GSTCD: variants seen among roughly 807,000 people sequenced by gnomAD.
The protein encoded by GSTCD is glutathione S-transferase C-terminal domain-containing protein.
A neutral mutation model predicts 68.3 loss-of-function variants in GSTCD; 44 were observed. The ratio of observed to expected loss-of-function variants is 0.64; its 90% CI spans 0.51 to 0.83. The LOEUF is 0.83. GSTCD is among the 40% of genes least tolerant of loss of function. The probability of loss-of-function intolerance (pLI) is 0.00; values close to 1 mark genes in which losing one functional copy is unlikely to be tolerated. For missense variants in GSTCD, 739 were observed against 735.9 expected, an observed-to-expected ratio of 1.00 and a Z score of -0.05; for synonymous variants, 273 against 255.2, an observed-to-expected ratio of 1.07 and a Z score of -0.67.
At chr4:105,713,424 CATA>C (rs1381899631) in intron 1 of GSTCD, among the ~76,000 whole-genome samples, 5 of 152,186 alleles carry the variant, frequency 3.3e-5, no homozygotes, top group African/African-American at 1.2e-4. Context: ...CTTAGAATAA[CATA>C]ATATCTGACA....
At chr4:105,800,993 T>A (rs1323522149) in intron 5 of GSTCD, among the ~76,000 whole-genome samples, 7 of 152,126 alleles carry the variant, frequency 4.6e-5, no homozygotes, top group Admixed American at 4.6e-4. Context: ...ATAAGGCACA[T>A]CACAGCCTTC....
At chr4:105,718,101 C>A in intron 2 of GSTCD, 62 bp downstream of exon 2, 1 of 1,286,164 alleles carries the variant, frequency 7.8e-7, no homozygotes, top group Non-Finnish European at 1.1e-6. Context: ...ATTACCTGAC[C>A]ATTTAATATT....
intron 5 of GSTCD, among the ~76,000 whole-genome samples, chr4:105,794,847 C>T (rs915366025): frequency 0.035 from 3,131 of 90,160 alleles, 49 homozygotes; most frequent in Middle Eastern, 0.089. Flanking sequence ...ATTTATCTAT[C>T]TATCTATCTA....
chr4:105,773,609 G>A (rs548408223), intron 5 of GSTCD, among the ~76,000 whole-genome samples: 5 of 152,080 alleles, frequency 3.3e-5, no homozygotes, highest in Non-Finnish European at 5.9e-5. Context: ...CCTTAATTTC[G>A]TTATTTACCC....
At chr4:105,723,033 T>C (rs1732919802) in intron 3 of GSTCD, among the ~76,000 whole-genome samples, 1 of 151,964 alleles carries the variant, frequency 6.6e-6, no homozygotes, top group South Asian at 2.1e-4. Context: ...CCTCAATTTC[T>C]TGTAAACATG....
At chr4:105,797,045 C>CGT (rs527275501) in intron 5 of GSTCD, among the ~76,000 whole-genome samples, 1,594 of 140,410 alleles carry the variant, frequency 0.011, 48 homozygotes, top group African/African-American at 0.038. Flanking sequence ...GACAGAGATA[C>CGT]ATGTGTGTGT....
intron 5 of GSTCD, among the ~76,000 whole-genome samples, chr4:105,760,107 A>G (rs530206125): frequency 3.3e-4 from 50 of 151,158 alleles, no homozygotes; most frequent in African/African-American, 1.2e-3. Flanking sequence ...TATGCAGCTT[A>G]GTAATTTGGT....
chr4:105,821,470 C>A (rs1279282445), intron 5 of GSTCD, among the ~76,000 whole-genome samples: 2 of 151,774 alleles, frequency 1.3e-5, no homozygotes, highest in Non-Finnish European at 3.0e-5. Flanking sequence ...GAAGATAGTT[C>A]TTTTAAAAGC....
intron 5 of GSTCD, among the ~76,000 whole-genome samples, chr4:105,769,001 C>A (rs1428883609): frequency 1.3e-5 from 2 of 151,670 alleles, no homozygotes; most frequent in East Asian, 3.9e-4. Context: ...CTCATATAAA[C>A]CATTCAATAA....
At chr4:105,838,210 C>T (rs1398997951) in intron 10 of GSTCD, among the ~76,000 whole-genome samples, 1 of 152,184 alleles carries the variant, frequency 6.6e-6, no homozygotes, top group Non-Finnish European at 1.5e-5. Context: ...GTGGTAGCCA[C>T]AATACCATTG....
Position 105,828,165 on chromosome 4 carries a change from T to C in GSTCD, c.1530+2365T>C, listed in dbSNP as rs149641811. On this transcript the variant is annotated intron_variant, in intron 8 of 11. Coordinates refer to ENST00000515279, the MANE Select transcript of GSTCD (RefSeq NM_001370181.1). ...TCCTTTCTGTTCATCAACATGTATATGAAAATCTCAAAACAGTTTTATTTT... is the reference window on the plus strand; with the variant it reads ...TCCTTTCTGTTCATCAACATGTATACGAAAATCTCAAAACAGTTTTATTTT... Among the ~76,000 whole-genome samples, 20 of 152,314 alleles carry C rather than the reference T, an allele frequency of 1.3e-4. No individual in the cohort carries two copies. In the East Asian group the frequency reaches 2.9e-3, roughly 22 times the overall value.
intron 4 of GSTCD, among the ~76,000 whole-genome samples, chr4:105,728,809 C>A (rs1733130958): frequency 3.9e-5 from 6 of 152,004 alleles, no homozygotes. Context: ...TGTACAGCTT[C>A]TAAGATGGAG....
chr4:105,840,502 G>A (rs765628022), intron 10 of GSTCD, among the ~76,000 whole-genome samples: 3 of 152,076 alleles, frequency 2.0e-5, no homozygotes, highest in Admixed American at 6.5e-5. Flanking sequence ...TAAAAATGGA[G>A]GCTTCAAATT....
Position 105,729,440 on chromosome 4 carries a change from C to T in GSTCD, c.1181C>T (p.Pro394Leu). ...ATTGAAGTGATGTTTTCTCCCCACCCTTGCCCTACTTGGACTCTTGATTGG... is the reference window on the plus strand; with the variant it reads ...ATTGAAGTGATGTTTTCTCCCCACCTTTGCCCTACTTGGACTCTTGATTGG... ...KGIEVMFSPHPCPTWTLDWNV... is the reference protein window; with the variant it reads ...KGIEVMFSPHLCPTWTLDWNV... Residue 394 changes from proline to leucine, a missense_variant, in exon 5 of 12, where the codon CCT (proline) becomes CTT (leucine). Coordinates refer to ENST00000515279, the MANE Select transcript of GSTCD (RefSeq NM_001370181.1). The T allele has an allele frequency of 1.2e-6, 2 of 1,611,784 alleles. No individual in the cohort carries two copies. The highest frequency in any genetic ancestry group is 1.7e-6 in the Non-Finnish European group (2 of 1,178,576).
intron 5 of GSTCD, among the ~76,000 whole-genome samples, chr4:105,732,880 G>A (rs1371424920): frequency 6.6e-6 from 1 of 152,104 alleles, no homozygotes; most frequent in Non-Finnish European, 1.5e-5. Flanking sequence ...CAGAGATTCT[G>A]TTATGTTGTG....
In GSTCD at chr4:105,766,095, AT is replaced by A. The variant is rs1424915340; in HGVS notation, c.1240+36597del. On this transcript the variant is annotated intron_variant, in intron 5 of 11. Coordinates refer to ENST00000515279, the MANE Select transcript of GSTCD (RefSeq NM_001370181.1). ...ACCATTCTAAATACTTCAAACAGGG[AT>A]AATTTAATACGGGATATTAAATGAT... Among the ~76,000 whole-genome samples, 3 of 152,352 alleles carry A rather than the reference AT, an allele frequency of 2.0e-5. No individual in the cohort carries two copies. The East Asian group carries it at 5.8e-4, about 29-fold the overall frequency.
chr4:105,816,268 C>G (rs1722978849), intron 5 of GSTCD, among the ~76,000 whole-genome samples: 1 of 152,104 alleles, frequency 6.6e-6, no homozygotes, highest in African/African-American at 2.4e-5. Context: ...AGTACTATAA[C>G]ATGAAAGATC....
chr4:105,730,255 C>A (rs1342303816), intron 5 of GSTCD, among the ~76,000 whole-genome samples: 1 of 152,156 alleles, frequency 6.6e-6, no homozygotes, highest in East Asian at 1.9e-4. Context: ...TGGGTATATA[C>A]CCAGTAATGG....
At chr4:105,717,285 T>A (rs994983847) in intron 1 of GSTCD, among the ~76,000 whole-genome samples, 3 of 152,166 alleles carry the variant, frequency 2.0e-5, no homozygotes, top group Admixed American at 6.5e-5. Context: ...CTTCTATTTA[T>A]CTCCTGTTCT....
Sources: gnomAD v4.1 joint callset for allele counts (sites outside exome capture counted in the v4.1 genomes callset) on GRCh38, gnomAD v4.1.1 for gene constraint, MANE v1.5 for transcripts, NCBI Gene and HGNC (gene_info 2026-07-23, HGNC 2026-07-21) for gene names.